NFIA: variants seen among roughly 807,000 people sequenced by gnomAD.
NFIA encodes the protein nuclear factor 1 A-type.
Under a neutral mutation model 62.8 loss-of-function variants are expected in NFIA, and 8 were observed. That is an observed-to-expected ratio of 0.13 (90% confidence interval 0.07 to 0.23). The LOEUF (loss-of-function observed/expected upper bound fraction) is 0.23. Ranked by LOEUF, NFIA falls within the 10% of genes least tolerant of loss-of-function variation. The probability of loss-of-function intolerance (pLI) is 1.00; values close to 1 mark genes in which losing one functional copy is unlikely to be tolerated. For missense variants in NFIA, 410 were observed against 642.1 expected (o/e 0.64, Z 3.91); for synonymous variants, 235 against 238.1 (o/e 0.99, Z 0.12).
At chr1:61,152,289 CTG>C (rs1648474314) in intron 2 of NFIA, among the ~76,000 whole-genome samples, 3 of 152,142 alleles carry the variant, frequency 2.0e-5, no homozygotes, top group Admixed American at 6.5e-5. Context: ...TTTATACAAA[CTG>C]GAGGAGTCAA....
intron 10 of NFIA, among the ~76,000 whole-genome samples, chr1:61,448,874 C>T (rs1313280368): frequency 1.3e-5 from 2 of 152,136 alleles, no homozygotes; most frequent in East Asian, 1.9e-4. Context: ...GCTGGAATCT[C>T]GTGAAAGATT....
intron 3 of NFIA, among the ~76,000 whole-genome samples, chr1:61,293,702 A>C (rs1659030605): frequency 6.6e-6 from 1 of 152,228 alleles, no homozygotes; most frequent in African/African-American, 2.4e-5. Context: ...ACAGTTAAAA[A>C]GAACTTCATG....
At chr1:61,308,510 A>G (rs371535385) in intron 3 of NFIA, among the ~76,000 whole-genome samples, 1 of 152,202 alleles carries the variant, frequency 6.6e-6, no homozygotes, top group African/African-American at 2.4e-5. Flanking sequence ...TATATGTGAA[A>G]TAGAACTGTT....
chr1:61,413,711 C>T (rs1033551974), intron 9 of NFIA, among the ~76,000 whole-genome samples: 19 of 146,636 alleles, frequency 1.3e-4, no homozygotes, highest in Admixed American at 9.8e-4. Context: ...ACTGCAACCT[C>T]CACCTCCTGG....
intron 9 of NFIA, among the ~76,000 whole-genome samples, chr1:61,411,867 A>G (rs980296346): frequency 2.6e-5 from 4 of 151,654 alleles, no homozygotes; most frequent in African/African-American, 4.8e-5. Context: ...ACCAGCCAGT[A>G]GAAAGGCAGA....
Position 61,380,047 on chromosome 1 carries a change from A to G in NFIA, c.947-3190A>G, listed in dbSNP as rs566866148. On this transcript the variant is annotated intron_variant, in intron 6 of 10. Transcript: ENST00000403491. ...ATTTGGAATGACTCATATAGCTTAG[A>G]AAAAAATGGCAGACTAGAGGGAAAT... is the stretch of plus-strand genomic sequence containing the variant. 2.9e-4 allele frequency among the ~76,000 whole-genome samples: 37 copies of G among 128,816 alleles called. No individual in the cohort carries two copies. The East Asian group carries it at 3.7e-3, about 13-fold the overall frequency. 84.5% of individuals were successfully genotyped at this position (128,816 alleles called of 152,430 possible).
At chr1:61,147,033 A>C (rs1648062455) in intron 2 of NFIA, among the ~76,000 whole-genome samples, 1 of 152,154 alleles carries the variant, frequency 6.6e-6, no homozygotes, top group South Asian at 2.1e-4. Context: ...TTTTCAGTTG[A>C]ATATAATTCT....
At chr1:61,228,181 T>C (rs1346116659) in intron 2 of NFIA, among the ~76,000 whole-genome samples, 1 of 152,216 alleles carries the variant, frequency 6.6e-6, no homozygotes, top group African/African-American at 2.4e-5. Context: ...TTTATTAGAA[T>C]TGTCAGTCAT....
At chr1:61,319,790 A>ACACACACACACACACAC (rs1660571271) in intron 3 of NFIA, among the ~76,000 whole-genome samples, 1 of 139,524 alleles carries the variant, frequency 7.2e-6, no homozygotes, top group African/African-American at 2.8e-5. Flanking sequence ...GGAAGAATTA[A>ACACACACACACACACAC]ACACACACAC....
At position 61,124,892 on chromosome 1, in the gene NFIA, A is replaced by G. The variant is rs1447505098; in HGVS notation, c.559+36212A>G. 2.6e-5 allele frequency: 4 copies of G among 152,128 alleles called. No individual in the cohort carries two copies. In the East Asian group the frequency reaches 7.7e-4, roughly 29 times the overall value. 9.4% of individuals were successfully genotyped at this position (152,128 alleles called of 1,614,324 possible). A position where few individuals can be genotyped will look rare whatever the true frequency, so the allele number is the denominator to read the frequency against. ...ATGAGAGGAGGGAATCCAGGTGGCC[A>G]TGTTGAAATGTGCCTGTGTGCAGCA... On this transcript the variant is annotated intron_variant, in intron 2 of 10. Transcript: ENST00000403491.
intron 2 of NFIA, among the ~76,000 whole-genome samples, chr1:61,227,103 A>G (rs940062518): frequency 1.3e-5 from 2 of 152,188 alleles, no homozygotes; most frequent in African/African-American, 4.8e-5. Flanking sequence ...GAGTCTGGAG[A>G]TAGCAGACTG....
chr1:61,207,294 T>C lies in NFIA; in HGVS notation c.560-70226T>C, dbSNP rs373740030. ...AATTTAGACCCTCACTGGGAAATTA[T>C]TTTTGAGTCATAAACAATAGACCCA... On this transcript the variant is annotated intron_variant, in intron 2 of 10. Coordinates refer to ENST00000403491, the MANE Select transcript of NFIA (RefSeq NM_001134673.4). 1.2e-4 allele frequency among the ~76,000 whole-genome samples: 18 copies of C among 152,350 alleles called. No homozygotes were observed. In the East Asian group the frequency reaches 1.3e-3, roughly 11 times the overall value.
chr1:61,453,724 G>A (rs1383914375), intron 10 of NFIA, among the ~76,000 whole-genome samples: 5 of 152,186 alleles, frequency 3.3e-5, no homozygotes, highest in Admixed American at 6.5e-5. Flanking sequence ...GGGAGGAAGC[G>A]GCTCTAACGT....
At chr1:61,177,984 C>T (rs1386877792) in intron 2 of NFIA, among the ~76,000 whole-genome samples, 2 of 152,112 alleles carry the variant, frequency 1.3e-5, no homozygotes, top group Non-Finnish European at 2.9e-5. Flanking sequence ...CATCTCCCTT[C>T]GAGCGCATGA....
At chr1:61,358,498 G>T (rs1663098542) in intron 5 of NFIA, among the ~76,000 whole-genome samples, 1 of 143,260 alleles carries the variant, frequency 7.0e-6, no homozygotes. Context: ...CAATTGTCCT[G>T]CCTCAGCCTC....
chr1:61,449,193 A>G (rs1667955915), intron 10 of NFIA, among the ~76,000 whole-genome samples: 1 of 152,040 alleles, frequency 6.6e-6, no homozygotes, highest in Non-Finnish European at 1.5e-5. Flanking sequence ...TGGCTTGTGG[A>G]GACTTGTGTC....
chr1:61,408,371 A>T (rs947834047), intron 9 of NFIA, among the ~76,000 whole-genome samples: 2 of 152,122 alleles, frequency 1.3e-5, no homozygotes, highest in Non-Finnish European at 2.9e-5. Context: ...ATACACAATA[A>T]GTGCCCTGCT....
At chr1:61,168,912 G>T (rs896138592) in intron 2 of NFIA, among the ~76,000 whole-genome samples, 1 of 152,108 alleles carries the variant, frequency 6.6e-6, no homozygotes, top group African/African-American at 2.4e-5. Context: ...AAGGCCCTAA[G>T]TTTGTTTAGA....
chr1:61,093,696 A>T (rs539799972), intron 2 of NFIA, among the ~76,000 whole-genome samples: 2 of 152,346 alleles, frequency 1.3e-5, no homozygotes, highest in South Asian at 4.1e-4. Flanking sequence ...TCTAAGGCAG[A>T]GAGTGTACAG....
Sources: gnomAD v4.1 joint callset for allele counts (sites outside exome capture counted in the v4.1 genomes callset) on GRCh38, gnomAD v4.1.1 for gene constraint, MANE v1.5 for transcripts, NCBI Gene and HGNC (gene_info 2026-07-23, HGNC 2026-07-21) for gene names.